PTPRN2: variants seen among roughly 807,000 people sequenced by gnomAD.
PTPRN2 encodes the protein receptor-type tyrosine-protein phosphatase N2.
Under a neutral mutation model 118.8 loss-of-function variants are expected in PTPRN2, and 74 were observed. The observed-to-expected ratio is 0.62, with a 90% CI of 0.52 to 0.76. The LOEUF is 0.76. PTPRN2 is among the 30% of genes least tolerant of loss of function. The pLI is 0.00. For missense variants in PTPRN2, 1,481 were observed against 1,394.4 expected, an observed-to-expected ratio of 1.06 and a Z score of -0.99; for synonymous variants, 641 against 608.0, an observed-to-expected ratio of 1.05 and a Z score of -0.80.
chr7:158,302,737 T>A (rs1800986444), intron 3 of PTPRN2, among the ~76,000 whole-genome samples: 1 of 152,256 alleles, frequency 6.6e-6, no homozygotes, highest in Admixed American at 6.5e-5. Flanking sequence ...CCACAATCAA[T>A]GCTCAGAGCA....
intron 6 of PTPRN2, among the ~76,000 whole-genome samples, chr7:158,156,160 C>T (rs145941869): frequency 0.012 from 1,762 of 152,288 alleles, 38 homozygotes; most frequent in African/African-American, 0.039. Flanking sequence ...GCTTCTCCTG[C>T]ACTGTCATGC....
At chr7:157,908,717 A>G (rs528498163) in intron 11 of PTPRN2, among the ~76,000 whole-genome samples, 53 of 152,332 alleles carry the variant, frequency 3.5e-4, no homozygotes, top group African/African-American at 1.2e-3. Context: ...ATGGACTACA[A>G]TTTGATTAAA....
intron 13 of PTPRN2, among the ~76,000 whole-genome samples, chr7:157,672,928 C>T (rs1305381498): frequency 1.3e-5 from 2 of 152,138 alleles, no homozygotes; most frequent in African/African-American, 4.8e-5. Flanking sequence ...TAGCACAGAC[C>T]CAGACACTCA....
chr7:158,356,428 A>G (rs1808388764), intron 2 of PTPRN2, among the ~76,000 whole-genome samples: 1 of 152,150 alleles, frequency 6.6e-6, no homozygotes, highest in African/African-American at 2.4e-5. Context: ...TCCCTATCAC[A>G]TTCCCACTTC....
chr7:158,148,518 C>T (rs113265019), intron 6 of PTPRN2, among the ~76,000 whole-genome samples: 7 of 129,160 alleles, frequency 5.4e-5, no homozygotes, highest in South Asian at 2.7e-4. Context: ...CTCACTGACA[C>T]CCCATCTCAC....
intron 11 of PTPRN2, among the ~76,000 whole-genome samples, chr7:157,979,724 G>A (rs926302491): frequency 5.9e-5 from 9 of 152,206 alleles, no homozygotes; most frequent in African/African-American, 1.9e-4. Context: ...CTCTCTGCAG[G>A]GGGTGCCGCT....
chr7:158,150,783 C>T lies in PTPRN2; in HGVS notation c.911-12268G>A, dbSNP rs564833993. 2.6e-5 allele frequency among the ~76,000 whole-genome samples: 4 copies of T among 152,028 alleles called. No homozygotes were observed. In the East Asian group the frequency reaches 5.8e-4, roughly 22 times the overall value. On this transcript the variant is annotated intron_variant, in intron 6 of 22. Coordinates refer to ENST00000389418, the MANE Select transcript of PTPRN2 (RefSeq NM_002847.5). Reference sequence around the variant, plus strand: ...ACGCTGCGTATCTGCAGCACCGCGACCCAGCACTCCTCTCCCTCCGTGTCC... The same window carrying T: ...ACGCTGCGTATCTGCAGCACCGCGATCCAGCACTCCTCTCCCTCCGTGTCC...
chr7:157,863,254 A>T (rs1277185073), intron 12 of PTPRN2: 1 of 152,252 alleles, frequency 6.6e-6, no homozygotes, highest in Admixed American at 6.5e-5. Flanking sequence ...GTACGTCTGC[A>T]GGAGGGTAGC....
intron 3 of PTPRN2, among the ~76,000 whole-genome samples, chr7:158,223,595 C>T (rs560307730): frequency 2.0e-5 from 3 of 152,182 alleles, no homozygotes; most frequent in African/African-American, 7.2e-5. Flanking sequence ...GCAGAAAAGA[C>T]ATTTAAAAAA....
At chr7:157,637,412 G>A (rs1804384955) in intron 14 of PTPRN2, among the ~76,000 whole-genome samples, 1 of 152,194 alleles carries the variant, frequency 6.6e-6, no homozygotes, top group Non-Finnish European at 1.5e-5. Flanking sequence ...AGCAGCCCTG[G>A]GTGGGGGAAT....
At chr7:158,233,540 T>A (rs1829309145) in intron 3 of PTPRN2, among the ~76,000 whole-genome samples, 1 of 152,164 alleles carries the variant, frequency 6.6e-6, no homozygotes, top group Non-Finnish European at 1.5e-5. Flanking sequence ...GAGATGGGGC[T>A]TGTTCAGGGT....
At chr7:158,387,562 C>CTGTGGT (rs1811553355) in intron 2 of PTPRN2, among the ~76,000 whole-genome samples, 1 of 121,580 alleles carries the variant, frequency 8.2e-6, no homozygotes, top group Admixed American at 9.4e-5. Flanking sequence ...GGGGCTGCGG[C>CTGTGGT]ATCCCTGTCA....
intron 2 of PTPRN2, among the ~76,000 whole-genome samples, chr7:158,326,962 C>A (rs185581315): frequency 6.6e-6 from 1 of 151,480 alleles, no homozygotes; most frequent in African/African-American, 2.4e-5. Flanking sequence ...CATGCACACA[C>A]GCACACATTC....
At chr7:158,151,903 G>C (rs943402014) in intron 6 of PTPRN2, among the ~76,000 whole-genome samples, 1 of 152,226 alleles carries the variant, frequency 6.6e-6, no homozygotes. Flanking sequence ...GCCGGGCGCG[G>C]TGGCTCACGC....
At chr7:157,770,944 G>A (rs1487057536) in intron 12 of PTPRN2, among the ~76,000 whole-genome samples, 2 of 152,270 alleles carry the variant, frequency 1.3e-5, no homozygotes, top group East Asian at 1.9e-4. Flanking sequence ...ACCTGAGTGC[G>A]GGGGCTGTGG....
intron 3 of PTPRN2, among the ~76,000 whole-genome samples, chr7:158,278,282 G>C (rs1242827578): frequency 3.3e-5 from 5 of 151,982 alleles, no homozygotes; most frequent in African/African-American, 1.2e-4. Context: ...CCAGGGAGGA[G>C]GAAACAAGGT....
chr7:157,651,187 G>A (rs1805632671), intron 14 of PTPRN2, among the ~76,000 whole-genome samples: 1 of 152,224 alleles, frequency 6.6e-6, no homozygotes, highest in South Asian at 2.1e-4. Flanking sequence ...CCTGTTTTCT[G>A]TGATCATGGG....
At chr7:158,047,781 C>T (rs1808994817) in intron 11 of PTPRN2, among the ~76,000 whole-genome samples, 1 of 152,228 alleles carries the variant, frequency 6.6e-6, no homozygotes, top group African/African-American at 2.4e-5. Context: ...AGAGCTGAGG[C>T]TGGGTTGCAC....
At chr7:157,901,282 A>T (rs962401655) in intron 11 of PTPRN2, among the ~76,000 whole-genome samples, 9 of 151,998 alleles carry the variant, frequency 5.9e-5, no homozygotes, top group Middle Eastern at 3.4e-3. Context: ...ACCAGGCTGC[A>T]CCTCCAACAT....
Sources: gnomAD v4.1 joint callset for allele counts (sites outside exome capture counted in the v4.1 genomes callset) on GRCh38, gnomAD v4.1.1 for gene constraint, MANE v1.5 for transcripts, NCBI Gene and HGNC (gene_info 2026-07-23, HGNC 2026-07-21) for gene names.